Variants in AKAP6 observed in about 807,000 individuals in gnomAD.
The protein encoded by AKAP6 is A-kinase anchor protein 6.
AKAP6 carries 58 observed loss-of-function variants against 188.5 expected under a neutral mutation model. That is an observed-to-expected ratio of 0.31 (90% CI 0.25 to 0.38). AKAP6 has a LOEUF of 0.38. Among genes scored for constraint, AKAP6 ranks in the 10% least tolerant of loss-of-function variants. The pLI is 1.00. For missense variants in AKAP6, 2,710 were observed against 2,740.0 expected, an observed-to-expected ratio of 0.99 and a Z score of 0.24; for synonymous variants, 989 against 998.6, an observed-to-expected ratio of 0.99 and a Z score of 0.18.
chr14:32,782,032 G>T (rs1594940249), intron 12 of AKAP6, among the ~76,000 whole-genome samples: 1 of 152,038 alleles, frequency 6.6e-6, no homozygotes, highest in East Asian at 1.9e-4. Context: ...GGGCATGGTG[G>T]TGCGCGCCTG....
chr14:32,737,395 G>A (rs932396280), intron 11 of AKAP6, among the ~76,000 whole-genome samples: 6 of 152,132 alleles, frequency 3.9e-5, no homozygotes, highest in African/African-American at 1.4e-4. Context: ...CACATTCACT[G>A]GAAGAATGGA....
intron 7 of AKAP6, among the ~76,000 whole-genome samples, chr14:32,641,800 A>C (rs549786115): frequency 2.6e-5 from 4 of 152,314 alleles, no homozygotes; most frequent in Non-Finnish European, 5.9e-5. Context: ...AATGGGTACA[A>C]AAATTCCATC....
At chr14:32,805,064 A>C (rs142701152) in intron 12 of AKAP6, among the ~76,000 whole-genome samples, 1 of 152,210 alleles carries the variant, frequency 6.6e-6, no homozygotes, top group Non-Finnish European at 1.5e-5. Context: ...TGTACAGTTA[A>C]CACAATTATC....
chr14:32,490,457 G>A (rs1009590117), intron 2 of AKAP6, among the ~76,000 whole-genome samples: 8 of 152,212 alleles, frequency 5.3e-5, no homozygotes, highest in African/African-American at 1.9e-4. Flanking sequence ...TCAATCCAAC[G>A]TGGATATATA....
At chr14:32,380,520 A>G in intron 1 of AKAP6, among the ~76,000 whole-genome samples, 1 of 152,210 alleles carries the variant, frequency 6.6e-6, no homozygotes, top group East Asian at 1.9e-4. Flanking sequence ...TTTTCTACTT[A>G]CATTTGGGCT....
At chr14:32,641,965 T>A (rs1437030317) in intron 7 of AKAP6, among the ~76,000 whole-genome samples, 1 of 152,076 alleles carries the variant, frequency 6.6e-6, no homozygotes, top group Non-Finnish European at 1.5e-5. Flanking sequence ...CATGAAGATA[T>A]CTTAAAGGAA....
Position 32,811,255 on chromosome 14 carries a change from A to AAT in AKAP6, c.3589-10146_3589-10145insTA, listed in dbSNP as rs546819675. Among the ~76,000 whole-genome samples, 14 of 118,286 alleles carry AAT rather than the reference A, an allele frequency of 1.2e-4. 1 individual carries two copies. The highest frequency in any genetic ancestry group is 7.5e-4 in the Admixed American group (9 of 11,930). The allele number at this position is 118,286 out of a possible 152,430, so 77.6% of individuals were successfully genotyped here. A position where few individuals can be genotyped will look rare whatever the true frequency, so the allele number is the denominator to read the frequency against. On this transcript the variant is annotated intron_variant, in intron 12 of 13. Transcript: ENST00000280979. Reference sequence around the variant, plus strand: ...CTCCGTCTCAGGAAAAAAAAAAAAAAAGTTGAAAAACAGACTAAGATAATG... The same window carrying AAT: ...CTCCGTCTCAGGAAAAAAAAAAAAAAATAGTTGAAAAACAGACTAAGATAATG...
intron 2 of AKAP6, among the ~76,000 whole-genome samples, chr14:32,464,961 T>C (rs2145594): frequency 0.42 from 63,046 of 151,090 alleles, 18,500 homozygotes; most frequent in African/African-American, 0.84. Flanking sequence ...AGACAAACAG[T>C]CAAATCACGA....
intron 1 of AKAP6, among the ~76,000 whole-genome samples, chr14:32,419,530 G>A (rs753759746): frequency 1.1e-4 from 17 of 152,046 alleles, no homozygotes; most frequent in African/African-American, 3.4e-4. Context: ...GTGGCTTAAC[G>A]TATTATTTGA....
chr14:32,560,532 G>A (rs1281113799), intron 4 of AKAP6, among the ~76,000 whole-genome samples: 1 of 152,100 alleles, frequency 6.6e-6, no homozygotes, highest in Non-Finnish European at 1.5e-5. Flanking sequence ...CTGCCCTTTT[G>A]TTTGCAGCTT....
intron 7 of AKAP6, among the ~76,000 whole-genome samples, chr14:32,641,549 A>G (rs1887758999): frequency 6.6e-6 from 1 of 152,016 alleles, no homozygotes; most frequent in African/African-American, 2.4e-5. Flanking sequence ...GACTTATGTT[A>G]ACTAAGTCTA....
chr14:32,401,691 CTAAT>C (rs1889095802), intron 1 of AKAP6, among the ~76,000 whole-genome samples: 1 of 152,164 alleles, frequency 6.6e-6, no homozygotes, highest in African/African-American at 2.4e-5. Flanking sequence ...GCAACCCTAG[CTAAT>C]TAATAACTTA....
intron 1 of AKAP6, among the ~76,000 whole-genome samples, chr14:32,405,105 A>G (rs1594582447): frequency 6.6e-6 from 1 of 152,012 alleles, no homozygotes; most frequent in East Asian, 1.9e-4. Context: ...TCTTTTCCTA[A>G]TCTCAAGCCA....
At chr14:32,787,520 C>T (rs1047004504) in intron 12 of AKAP6, among the ~76,000 whole-genome samples, 25 of 151,756 alleles carry the variant, frequency 1.6e-4, no homozygotes, top group Non-Finnish European at 2.4e-4. Context: ...GATTTCACCC[C>T]CCCCAAAAAA....
chr14:32,807,061 G>A (rs909971909), intron 12 of AKAP6, among the ~76,000 whole-genome samples: 10 of 84,914 alleles, frequency 1.2e-4, no homozygotes, highest in Admixed American at 2.8e-4. Context: ...CTCAAAGAAA[G>A]GGGGGGAAAT....
chr14:32,386,377 A>G (rs752309963), intron 1 of AKAP6, among the ~76,000 whole-genome samples: 3 of 151,844 alleles, frequency 2.0e-5, no homozygotes, highest in Admixed American at 6.6e-5. Context: ...GCACTTTTTC[A>G]TGTTTGTTGG....
rs147348809 is a variant in AKAP6, at chr14:32,522,134, A to G, written c.325-13420A>G. Among the ~76,000 whole-genome samples the G allele has an allele frequency of 6.1e-3, 930 of 152,366 alleles. 14 individuals are homozygous for G. Among genetic ancestry groups the G allele is most frequent in the Admixed American group, 0.022 (343 of 15,306 alleles). The stretch of plus-strand genomic sequence containing the variant: ...ATGGTGCTGGGAAAACTGGCTAGCT[A>G]TATGTAGAAATCTGAAACTGGATCC... On this transcript the variant is annotated intron_variant, in intron 2 of 13. Transcript: ENST00000280979.
chr14:32,673,594 G>A (rs1889308470), intron 7 of AKAP6, among the ~76,000 whole-genome samples: 1 of 152,142 alleles, frequency 6.6e-6, no homozygotes, highest in Non-Finnish European at 1.5e-5. Flanking sequence ...AATTAGCTGG[G>A]TGTGGCAGCA....
chr14:32,775,587 C>T (rs1296587365), intron 12 of AKAP6, among the ~76,000 whole-genome samples: 2 of 152,026 alleles, frequency 1.3e-5, no homozygotes, highest in Non-Finnish European at 2.9e-5. Flanking sequence ...CATGTGTCAG[C>T]ATGTCTGCCT....
Sources: allele counts gnomAD v4.1 joint callset (sites outside exome capture counted in the v4.1 genomes callset), GRCh38; gene constraint gnomAD v4.1.1; transcripts MANE v1.5; gene names NCBI Gene and HGNC (gene_info 2026-07-23, HGNC 2026-07-21).